The following MBP variants were observed in gnomAD, a reference collection of about 807,000 sequenced individuals.
The protein encoded by MBP is myelin basic protein, also known as Golli-MBP.
Under a neutral mutation model 35.8 loss-of-function variants are expected in MBP, and 16 were observed. The ratio of observed to expected loss-of-function variants is 0.45; its 90% CI spans 0.30 to 0.68. MBP has a LOEUF of 0.68. MBP is among the 30% of genes least tolerant of loss of function. The pLI is 0.08. For missense variants in MBP, 380 were observed against 404.7 expected (o/e 0.94, Z 0.52); for synonymous variants, 143 against 159.6 (o/e 0.90, Z 0.78).
intron 1 of MBP, among the ~76,000 whole-genome samples, chr18:77,106,059 A>C (rs1209736742): frequency 3.3e-5 from 5 of 152,172 alleles, no homozygotes; most frequent in African/African-American, 1.2e-4. Flanking sequence ...AGCCCAGACC[A>C]CGCTGCAGGT....
chr18:77,029,196 G>A (rs1473726837), intron 3 of MBP, among the ~76,000 whole-genome samples: 1 of 139,870 alleles, frequency 7.1e-6, no homozygotes, highest in Non-Finnish European at 1.6e-5. Flanking sequence ...ATCACTCGCG[G>A]TTAGGAGCTG....
intron 1 of MBP, among the ~76,000 whole-genome samples, chr18:77,128,336 A>G (rs1977123873): frequency 6.6e-6 from 1 of 152,194 alleles, no homozygotes; most frequent in Non-Finnish European, 1.5e-5. Flanking sequence ...AAAGCGACAA[A>G]ATTATAGAAA....
intron 3 of MBP, among the ~76,000 whole-genome samples, chr18:77,041,887 C>T (rs1973018199): frequency 6.6e-6 from 1 of 151,286 alleles, no homozygotes; most frequent in African/African-American, 2.4e-5. Context: ...ATGTAACAAA[C>T]CTGCACGTTG....
chr18:77,022,478 T>C (rs1203552856), intron 3 of MBP, among the ~76,000 whole-genome samples: 1 of 152,190 alleles, frequency 6.6e-6, no homozygotes, highest in East Asian at 1.9e-4. Context: ...AAGTACATCA[T>C]TGCACTGTAG....
chr18:77,010,062 G>A (rs1971256321), intron 4 of MBP: 2 of 643,146 alleles, frequency 3.1e-6, no homozygotes, highest in South Asian at 3.5e-5. Flanking sequence ...GGGGGTGGAG[G>A]ATGAAGGACG....
chr18:77,128,188 A>G (rs1356229159), intron 1 of MBP, among the ~76,000 whole-genome samples: 1 of 152,246 alleles, frequency 6.6e-6, no homozygotes, highest in Admixed American at 6.5e-5. Context: ...CAGATGACGG[A>G]ACACCACTAA....
chr18:76,989,172 G>T lies in MBP; in HGVS notation c.682-260C>A. On this transcript the variant is annotated intron_variant, in intron 5 of 8. Coordinates refer to ENST00000355994, the MANE Select transcript of MBP (RefSeq NM_001025101.2). This position sits in a 1 kb window ranked among gnomAD's most constrained non-coding sequence, Gnocchi z 4.0. ...ACACCTCCCAGAGGCTCCGTAGCTG[G>T]GGAATGGGCCCATCTTGGGACACTG... 1.5e-6 allele frequency: 1 copy of T among 657,774 alleles called. No homozygotes were observed. The highest frequency in any genetic ancestry group is 2.8e-6 in the Non-Finnish European group (1 of 357,038). The allele number at this position is 657,774 out of a possible 1,614,324, so 40.7% of individuals were successfully genotyped here.
chr18:77,084,472 C>T (rs1371683739), intron 2 of MBP, among the ~76,000 whole-genome samples: 2 of 148,392 alleles, frequency 1.3e-5, no homozygotes. Flanking sequence ...CACACACACA[C>T]TTCCGTGAGG....
At chr18:77,031,417 T>C (rs1173703488) in intron 3 of MBP, among the ~76,000 whole-genome samples, 1 of 152,014 alleles carries the variant, frequency 6.6e-6, no homozygotes, top group African/African-American at 2.4e-5. Flanking sequence ...TGCAGACACC[T>C]CCAATTCCCC....
chr18:77,008,663 C>T (rs1195678427), intron 4 of MBP, among the ~76,000 whole-genome samples: 1 of 152,210 alleles, frequency 6.6e-6, no homozygotes, highest in Admixed American at 6.5e-5. Flanking sequence ...CCTTCTGCCC[C>T]CAAGCCCTGG....
In MBP at chr18:77,088,286, C is replaced by T. The variant is rs1975348497; in HGVS notation, c.51+16925G>A. Among the ~76,000 whole-genome samples, 3 of 152,290 alleles carry T rather than the reference C, an allele frequency of 2.0e-5. No homozygotes were observed. The South Asian group carries it at 6.2e-4, about 32-fold the overall frequency. On this transcript the variant is annotated intron_variant, in intron 2 of 8. Transcript: ENST00000355994. ...GGACAGTGCCTTCCAGCTGCGTCCA[C>T]GTCCAGCAGAAGGGGCGAGGGAACC...
chr18:77,043,091 TG>T (rs1306156718), intron 3 of MBP, among the ~76,000 whole-genome samples: 2 of 152,248 alleles, frequency 1.3e-5, no homozygotes, highest in African/African-American at 4.8e-5. Flanking sequence ...AAATTTATCA[TG>T]ATCACAGAAT....
chr18:77,132,884 C>G (rs1977333762), upstream of MBP: 2 of 151,960 alleles, frequency 1.3e-5, no homozygotes. Flanking sequence ...CCCGCCGGGC[C>G]CGCCCCACCT....
intron 3 of MBP, among the ~76,000 whole-genome samples, chr18:77,060,960 A>G (rs1350317864): frequency 6.6e-6 from 1 of 152,176 alleles, no homozygotes; most frequent in East Asian, 1.9e-4. Context: ...GAACACAGGC[A>G]CGCAGTGCCT....
intron 7 of MBP, chr18:76,987,174 A>G (rs1209952747): frequency 2.0e-6 from 2 of 985,344 alleles, no homozygotes; most frequent in East Asian, 2.3e-4. Flanking sequence ...AGGATCCGGC[A>G]CGACGGCCCC....
At chr18:77,056,888 G>C (rs1199346672) in intron 3 of MBP, among the ~76,000 whole-genome samples, 1 of 152,138 alleles carries the variant, frequency 6.6e-6, no homozygotes, top group African/African-American at 2.4e-5. Flanking sequence ...CGAGACCTTT[G>C]TCCGACAGCT....
chr18:77,081,885 T>G (rs1398825176), intron 2 of MBP, among the ~76,000 whole-genome samples: 1 of 71,090 alleles, frequency 1.4e-5, no homozygotes, highest in Non-Finnish European at 3.4e-5. Context: ...GGAGTCTCGC[T>G]CTGTCGCACA....
chr18:77,021,552 C>T (rs1299060367), intron 3 of MBP, among the ~76,000 whole-genome samples: 1 of 147,736 alleles, frequency 6.8e-6, no homozygotes, highest in Non-Finnish European at 1.5e-5. Context: ...GGCACAATCT[C>T]AGCTCACCGC....
intron 3 of MBP, among the ~76,000 whole-genome samples, chr18:77,064,943 C>G (rs535835347): frequency 3.2e-4 from 49 of 152,270 alleles, no homozygotes; most frequent in Non-Finnish European, 5.4e-4. Context: ...TGAAGAAAAT[C>G]AAAGAGCTGT....
Sources: allele counts gnomAD v4.1 joint callset (sites outside exome capture counted in the v4.1 genomes callset), GRCh38; gene constraint gnomAD v4.1.1; non-coding constraint Gnocchi (gnomAD v3.1); transcripts MANE v1.5; gene names NCBI Gene and HGNC (gene_info 2026-07-23, HGNC 2026-07-21).